TSPAN9: variants seen among roughly 807,000 people sequenced by gnomAD.
TSPAN9 encodes tetraspanin 9.
A neutral mutation model predicts 31.0 loss-of-function variants in TSPAN9; 16 were observed. The ratio of observed to expected loss-of-function variants is 0.52; its 90% CI spans 0.35 to 0.78. The LOEUF (loss-of-function observed/expected upper bound fraction) is 0.78. Ranked by LOEUF, TSPAN9 falls within the 30% of genes least tolerant of loss-of-function variation. The pLI is 0.01. For synonymous variants in TSPAN9, 145 were observed against 121.6 expected, an observed-to-expected ratio of 1.19 and a Z score of -1.27; for missense variants, 272 against 312.5, an observed-to-expected ratio of 0.87 and a Z score of 0.98.
At chr12:3,085,223 G>A (rs78877017) in intron 2 of TSPAN9, among the ~76,000 whole-genome samples, 6,042 of 151,636 alleles carry the variant, frequency 0.04, 400 homozygotes, top group African/African-American at 0.14. Context: ...AAGACCGGGC[G>A]GCAGAGAGGG....
intron 3 of TSPAN9, among the ~76,000 whole-genome samples, chr12:3,245,495 G>A (rs972442378): frequency 3.9e-5 from 6 of 152,200 alleles, no homozygotes; most frequent in Admixed American, 1.3e-4. Flanking sequence ...GGAGTGAGGC[G>A]GGGGCAAAGT....
At chr12:3,116,019 G>A (rs1275472213) in intron 2 of TSPAN9, among the ~76,000 whole-genome samples, 3 of 152,166 alleles carry the variant, frequency 2.0e-5, no homozygotes, top group African/African-American at 7.2e-5. Flanking sequence ...CTTCTTAAGC[G>A]GACACATTTC....
chr12:3,198,872 CCAGCACAGGTCACCAT>C lies in TSPAN9; in HGVS notation c.-17-2291_-17-2276del, dbSNP rs1394802682. Among the ~76,000 whole-genome samples, 66 of 148,502 alleles carry C rather than the reference CCAGCACAGGTCACCAT, an allele frequency of 4.4e-4. 2 individuals carry two copies. Among genetic ancestry groups the C allele is most frequent in the Non-Finnish European group, 6.7e-4 (45 of 66,904 alleles). ...AGGTCACCACCAGCACAGGCCACCA[CCAGCACAGGTCACCAT>C]CAGCACAGGTCACTACCACAGCTCT... On this transcript the variant is annotated intron_variant, in intron 2 of 8. Transcript: ENST00000011898.
chr12:3,079,865 G>A (rs992995557), intron 1 of TSPAN9, among the ~76,000 whole-genome samples: 2 of 151,692 alleles, frequency 1.3e-5, no homozygotes, highest in East Asian at 1.9e-4. Context: ...CCAACTCCTG[G>A]GCTCAAGTGA....
At chr12:3,219,713 G>C (rs1279067712) in intron 3 of TSPAN9, among the ~76,000 whole-genome samples, 1 of 152,122 alleles carries the variant, frequency 6.6e-6, no homozygotes, top group East Asian at 1.9e-4. Flanking sequence ...CTGTCGGGGG[G>C]TGAGGAGCTA....
At chr12:3,169,881 G>A (rs1591657967) in intron 2 of TSPAN9, among the ~76,000 whole-genome samples, 1 of 152,130 alleles carries the variant, frequency 6.6e-6, no homozygotes, top group South Asian at 2.1e-4. Context: ...GCTTAGAGGT[G>A]TATGCAGCTC....
chr12:3,185,555 C>G (rs769883757), intron 2 of TSPAN9, among the ~76,000 whole-genome samples: 2 of 152,172 alleles, frequency 1.3e-5, no homozygotes, highest in Non-Finnish European at 2.9e-5. Flanking sequence ...CCAGTCTCCC[C>G]CTTCGGAGCG....
intron 3 of TSPAN9, among the ~76,000 whole-genome samples, chr12:3,244,837 G>A (rs2098398614): frequency 6.6e-6 from 1 of 152,090 alleles, no homozygotes; most frequent in South Asian, 2.1e-4. Context: ...GGAGCCTCGA[G>A]GGTTTTCCCT....
chr12:3,130,085 C>T (rs2098329153), intron 2 of TSPAN9, among the ~76,000 whole-genome samples: 1 of 152,238 alleles, frequency 6.6e-6, no homozygotes, highest in Non-Finnish European at 1.5e-5. Flanking sequence ...GCCTCTTTGG[C>T]CCTCTCCAGG....
intron 3 of TSPAN9, among the ~76,000 whole-genome samples, chr12:3,243,381 CTT>C (rs1278993675): frequency 6.6e-6 from 1 of 152,140 alleles, no homozygotes; most frequent in Non-Finnish European, 1.5e-5. Flanking sequence ...CCTGTTTTAA[CTT>C]ATGTTTTGCA....
intron 3 of TSPAN9, among the ~76,000 whole-genome samples, chr12:3,242,388 C>A (rs566836401): frequency 3.3e-5 from 5 of 152,212 alleles, no homozygotes; most frequent in Non-Finnish European, 5.9e-5. Flanking sequence ...GCCACCCAGC[C>A]AGCCCCACCT....
intron 2 of TSPAN9, among the ~76,000 whole-genome samples, chr12:3,087,263 T>C (rs1164755250): frequency 6.6e-6 from 1 of 152,160 alleles, no homozygotes. Context: ...CTGTCATCTG[T>C]AGGCCCAGCA....
At chr12:3,141,285 C>T (rs907940252) in intron 2 of TSPAN9, among the ~76,000 whole-genome samples, 1 of 152,196 alleles carries the variant, frequency 6.6e-6, no homozygotes, top group African/African-American at 2.4e-5. Context: ...TCTCTCCACA[C>T]AAAGGCAGCT....
At chr12:3,115,989 T>C (rs2098322157) in intron 2 of TSPAN9, among the ~76,000 whole-genome samples, 1 of 152,206 alleles carries the variant, frequency 6.6e-6, no homozygotes, top group Non-Finnish European at 1.5e-5. Context: ...TTACTGTCTG[T>C]CTTTTTGACT....
chr12:3,217,369 A>G (rs1202962955), intron 3 of TSPAN9, among the ~76,000 whole-genome samples: 1 of 152,110 alleles, frequency 6.6e-6, no homozygotes, highest in Non-Finnish European at 1.5e-5. Context: ...AGCTTCTCTG[A>G]CATCTGTCTA....
intron 3 of TSPAN9, among the ~76,000 whole-genome samples, chr12:3,203,564 G>C (rs1032892978): frequency 2.6e-5 from 4 of 152,202 alleles, no homozygotes; most frequent in Non-Finnish European, 5.9e-5. Context: ...CTAATTAGAA[G>C]GTACTGATTA....
intron 2 of TSPAN9, among the ~76,000 whole-genome samples, chr12:3,100,190 C>T (rs1183626959): frequency 6.6e-6 from 1 of 152,188 alleles, no homozygotes; most frequent in Non-Finnish European, 1.5e-5. Context: ...CTGTCTGGCC[C>T]TGTGTGTGCT....
chr12:3,165,062 T>C (rs1200154915), intron 2 of TSPAN9, among the ~76,000 whole-genome samples: 2 of 152,154 alleles, frequency 1.3e-5, no homozygotes, highest in Non-Finnish European at 1.5e-5. Context: ...GATTAACCTC[T>C]GGGGTCAGCA....
intron 3 of TSPAN9, among the ~76,000 whole-genome samples, chr12:3,276,672 A>G (rs1862796135): frequency 6.6e-6 from 1 of 152,174 alleles, no homozygotes; most frequent in South Asian, 2.1e-4. Context: ...TTCGTGGCGC[A>G]TGTCAGCAAC....
Sources: gnomAD v4.1 joint callset for allele counts (sites outside exome capture counted in the v4.1 genomes callset) on GRCh38, gnomAD v4.1.1 for gene constraint, MANE v1.5 for transcripts, NCBI Gene and HGNC (gene_info 2026-07-23, HGNC 2026-07-21) for gene names.